ZFHX4: variants seen among roughly 807,000 people sequenced by gnomAD.
ZFHX4 encodes zinc finger homeobox 4, also known as zinc finger homeobox protein 4.
In ZFHX4, 56 loss-of-function variants were observed where a neutral mutation model predicts 267.6. That is an observed-to-expected ratio of 0.21 (90% CI 0.17 to 0.26). The LOEUF (loss-of-function observed/expected upper bound fraction) is 0.26, where lower values mean the gene tolerates loss of function less well. Ranked by LOEUF, ZFHX4 falls within the 10% of genes least tolerant of loss-of-function variation. The pLI, the probability that ZFHX4 is intolerant of heterozygous loss-of-function variation, is 1.00. For synonymous variants in ZFHX4, 1,778 were observed against 1,665.6 expected, an observed-to-expected ratio of 1.07 and a Z score of -1.64; for missense variants, 4,332 against 4,420.0, an observed-to-expected ratio of 0.98 and a Z score of 0.56.
chr8:76,744,679 G>A (rs185366466), intron 3 of ZFHX4, among the ~76,000 whole-genome samples: 193 of 152,186 alleles, frequency 1.3e-3, no homozygotes, highest in African/African-American at 4.4e-3. Context: ...TCCCAAAGAG[G>A]TGGGATTACA....
intron 1 of ZFHX4, chr8:76,683,971 G>C (rs530943629): frequency 6.6e-6 from 1 of 151,900 alleles, no homozygotes; most frequent in Non-Finnish European, 1.5e-5. Flanking sequence ...TAACACTCTC[G>C]GTGCCATCAA....
chr8:76,850,393 C>T (rs1378052270), intron 9 of ZFHX4, 31 bp downstream of exon 9: 1 of 1,544,120 alleles, frequency 6.5e-7, no homozygotes, highest in Non-Finnish European at 8.9e-7. Context: ...GACTTGTGAA[C>T]AATACGCTTA....
chr8:76,717,464 A>G (rs1808607061), intron 3 of ZFHX4, among the ~76,000 whole-genome samples: 1 of 152,226 alleles, frequency 6.6e-6, no homozygotes, highest in Non-Finnish European at 1.5e-5. Flanking sequence ...GCTGCAGTTG[A>G]CCACATCTAT....
intron 3 of ZFHX4, among the ~76,000 whole-genome samples, chr8:76,735,185 T>A (rs1322364403): frequency 6.6e-6 from 1 of 152,134 alleles, no homozygotes. Context: ...ATGCTGTTCT[T>A]ATTGTACATA....
intron 1 of ZFHX4, 60 bp downstream of exon 1, chr8:76,681,680 T>G: frequency 2.6e-6 from 1 of 384,556 alleles, no homozygotes; most frequent in Non-Finnish European, 4.6e-6. Context: ...CGAGTATCGA[T>G]TATCTTTCCA....
At chr8:76,752,732 G>A (rs1470278653) in intron 3 of ZFHX4, among the ~76,000 whole-genome samples, 1 of 151,864 alleles carries the variant, frequency 6.6e-6, no homozygotes, top group East Asian at 1.9e-4. Context: ...ACATTTAGCA[G>A]TACATATATA....
At chr8:76,860,826 TA>T (rs902868949) in intron 10 of ZFHX4, among the ~76,000 whole-genome samples, 2 of 152,166 alleles carry the variant, frequency 1.3e-5, no homozygotes, top group Non-Finnish European at 2.9e-5. Flanking sequence ...GGAAGAAACC[TA>T]AAAAATTATT....
At chr8:76,765,214 C>T (rs552803944) in intron 3 of ZFHX4, among the ~76,000 whole-genome samples, 1 of 152,168 alleles carries the variant, frequency 6.6e-6, no homozygotes, top group South Asian at 2.1e-4. Context: ...GCTTAATAGA[C>T]CATAAAAATT....
intron 3 of ZFHX4, among the ~76,000 whole-genome samples, chr8:76,768,339 A>G (rs912730843): frequency 6.6e-6 from 1 of 152,136 alleles, no homozygotes; most frequent in South Asian, 2.1e-4. Flanking sequence ...GCATAATATG[A>G]TTAGGAATGC....
chr8:76,834,738 T>G (rs530453716), intron 5 of ZFHX4, among the ~76,000 whole-genome samples: 1 of 152,230 alleles, frequency 6.6e-6, no homozygotes, highest in Non-Finnish European at 1.5e-5. Flanking sequence ...GAGCAAAAAT[T>G]TTAATTTTAA....
intron 3 of ZFHX4, among the ~76,000 whole-genome samples, chr8:76,766,381 A>G (rs1344531916): frequency 6.6e-6 from 1 of 152,190 alleles, no homozygotes; most frequent in East Asian, 1.9e-4. Flanking sequence ...AGAACTATTC[A>G]AAAGTAACTG....
In ZFHX4 at chr8:76,748,873, G is replaced by C. The variant is rs141281037; in HGVS notation, c.3094-29335G>C. ...TTATTCCTGAAAACATTTTTGCTTA[G>C]AAATCCCAGTCGTTCCCCATTTCAA... On this transcript the variant is annotated intron_variant, in intron 3 of 10. Coordinates refer to ENST00000651372, the MANE Select transcript of ZFHX4 (RefSeq NM_024721.5). Among the ~76,000 whole-genome samples the C allele has an allele frequency of 3.7e-3, 556 of 152,128 alleles. 5 individuals are homozygous for C. Among genetic ancestry groups the C allele is most frequent in the Non-Finnish European group, 5.8e-3 (393 of 67,986 alleles).
intron 4 of ZFHX4, among the ~76,000 whole-genome samples, chr8:76,800,058 G>A (rs538487335): frequency 4.6e-5 from 7 of 152,154 alleles, no homozygotes; most frequent in Admixed American, 1.3e-4. Flanking sequence ...CAGAAAGAGC[G>A]TGTGTGTGAG....
chr8:76,830,812 T>G (rs1182110799), intron 4 of ZFHX4, among the ~76,000 whole-genome samples: 1 of 152,188 alleles, frequency 6.6e-6, no homozygotes, highest in East Asian at 1.9e-4. Context: ...GGTTATATTT[T>G]ATATTCAAGG....
At chr8:76,695,306 T>C (rs540127000) in intron 1 of ZFHX4, among the ~76,000 whole-genome samples, 1 of 152,244 alleles carries the variant, frequency 6.6e-6, no homozygotes, top group African/African-American at 2.4e-5. Flanking sequence ...ACCTGCATGA[T>C]GTACCACTAA....
intron 3 of ZFHX4, among the ~76,000 whole-genome samples, chr8:76,741,425 G>A (rs555370593): frequency 6.6e-5 from 10 of 152,208 alleles, no homozygotes; most frequent in South Asian, 2.1e-4. Flanking sequence ...ATATCAACTC[G>A]GGCAAGAGGT....
At chr8:76,787,449 G>A (rs1810720579) in intron 4 of ZFHX4, among the ~76,000 whole-genome samples, 2 of 152,124 alleles carry the variant, frequency 1.3e-5, no homozygotes, top group Non-Finnish European at 2.9e-5. Context: ...GTGTGTTGGA[G>A]GTCAGTAGCA....
In ZFHX4 at chr8:76,767,247, A is replaced by G. The variant is rs546664552; in HGVS notation, c.3094-10961A>G. ...AAATAGAGATTGAGATAGGTGGTATAAAAGCGCTTTAAACCACCTTGCATT... is the reference window on the plus strand; with the variant it reads ...AAATAGAGATTGAGATAGGTGGTATGAAAGCGCTTTAAACCACCTTGCATT... On this transcript the variant is annotated intron_variant, in intron 3 of 10. Coordinates refer to ENST00000651372, the MANE Select transcript of ZFHX4 (RefSeq NM_024721.5). 4.1e-4 allele frequency among the ~76,000 whole-genome samples: 62 copies of G among 152,280 alleles called. 1 individual carries two copies. Among genetic ancestry groups the G allele is most frequent in the Non-Finnish European group, 7.9e-4 (54 of 68,004 alleles).
At chr8:76,765,681 A>G in intron 3 of ZFHX4, among the ~76,000 whole-genome samples, 1 of 152,134 alleles carries the variant, frequency 6.6e-6, no homozygotes, top group East Asian at 1.9e-4. Context: ...CAGAAAATAA[A>G]CTGTCACAAA....
Sources: allele counts gnomAD v4.1 joint callset (sites outside exome capture counted in the v4.1 genomes callset), GRCh38; gene constraint gnomAD v4.1.1; transcripts MANE v1.5; gene names NCBI Gene and HGNC (gene_info 2026-07-23, HGNC 2026-07-21).